The following CCSER2 variants were observed in gnomAD, a reference collection of about 807,000 sequenced individuals.
The protein encoded by CCSER2 is coiled-coil serine rich protein 2, also known as serine-rich coiled-coil domain-containing protein 2.
CCSER2 carries 46 observed loss-of-function variants against 92.3 expected under a neutral mutation model. The observed-to-expected ratio is 0.50, with a 90% CI of 0.39 to 0.64. The LOEUF (loss-of-function observed/expected upper bound fraction) is 0.64. CCSER2 is among the 30% of genes least tolerant of loss of function. The pLI, the probability that CCSER2 is intolerant of heterozygous loss-of-function variation, is 0.00. For missense variants in CCSER2, 1,244 were observed against 1,238.9 expected, an observed-to-expected ratio of 1.00 and a Z score of -0.06; for synonymous variants, 433 against 431.4, an observed-to-expected ratio of 1.00 and a Z score of -0.04.
intron 5 of CCSER2, among the ~76,000 whole-genome samples, chr10:84,427,487 A>G (rs1353594339): frequency 6.6e-6 from 1 of 152,212 alleles, no homozygotes. Flanking sequence ...TGCATGTGCA[A>G]AAGTCCTGTT....
intron 3 of CCSER2, among the ~76,000 whole-genome samples, chr10:84,380,092 T>C (rs1840813912): frequency 6.6e-6 from 1 of 152,222 alleles, no homozygotes; most frequent in Admixed American, 6.5e-5. Flanking sequence ...AAAATGGTCC[T>C]ACCAGTGTAT....
At chr10:84,420,377 A>G (rs139171330) in intron 4 of CCSER2, among the ~76,000 whole-genome samples, 197 of 152,350 alleles carry the variant, frequency 1.3e-3, no homozygotes, top group East Asian at 0.01. Context: ...ATGTAAGAAC[A>G]TGGATCTAAA....
intron 9 of CCSER2, among the ~76,000 whole-genome samples, chr10:84,498,083 G>GGT (rs1225649013): frequency 3.9e-5 from 6 of 152,110 alleles, no homozygotes; most frequent in African/African-American, 1.2e-4. Flanking sequence ...GACCTGCAAA[G>GGT]GTAAACATAC....
At chr10:84,492,502 A>C (rs549669897) in intron 9 of CCSER2, among the ~76,000 whole-genome samples, 1 of 152,198 alleles carries the variant, frequency 6.6e-6, no homozygotes, top group East Asian at 1.9e-4. Context: ...TTTCATTACT[A>C]TGTTGAATAA....
In CCSER2 at chr10:84,332,428, A is replaced by ATTT. The variant is rs1345431200; in HGVS notation, c.-40+3621_-40+3622insTTT. ...TTTATTTTTTTATATATATATATAT[A>ATTT]TATATATATTTTTTTTTTTTTTTTT... On this transcript the variant is annotated intron_variant, in intron 1 of 9. Transcript: ENST00000372088. Among the ~76,000 whole-genome samples the ATTT allele has an allele frequency of 4.5e-4, 35 of 77,294 alleles. No individual in the cohort carries two copies. In the East Asian group the frequency reaches 5.8e-3, roughly 13 times the overall value. 50.7% of individuals were successfully genotyped at this position (77,294 alleles called of 152,430 possible).
intron 6 of CCSER2, among the ~76,000 whole-genome samples, chr10:84,456,538 TG>T (rs879838842): frequency 6.6e-6 from 1 of 152,232 alleles, no homozygotes; most frequent in Non-Finnish European, 1.5e-5. Context: ...ATAAAACTGC[TG>T]TGAACATTTG....
At chr10:84,458,019 T>TTACAG (rs1250550590) in intron 6 of CCSER2, among the ~76,000 whole-genome samples, 1 of 152,040 alleles carries the variant, frequency 6.6e-6, no homozygotes, top group African/African-American at 2.4e-5. Flanking sequence ...AAGGCTGGGA[T>TTACAG]TACAGGTGTG....
intron 3 of CCSER2, among the ~76,000 whole-genome samples, chr10:84,384,762 A>G (rs1841096680): frequency 6.6e-6 from 1 of 152,158 alleles, no homozygotes; most frequent in Non-Finnish European, 1.5e-5. Context: ...TCCTAGCCAG[A>G]GCAAACAGGC....
intron 9 of CCSER2, among the ~76,000 whole-genome samples, chr10:84,510,702 G>C (rs1004152064): frequency 1.3e-5 from 2 of 152,146 alleles, no homozygotes; most frequent in African/African-American, 4.8e-5. Context: ...TTAGTATTTG[G>C]GGAAATTGTA....
At chr10:84,449,347 C>G (rs1003061730) in intron 6 of CCSER2, among the ~76,000 whole-genome samples, 3 of 152,074 alleles carry the variant, frequency 2.0e-5, no homozygotes, top group Admixed American at 2.0e-4. Flanking sequence ...TGCACTCCAG[C>G]CTGGGCAACA....
chr10:84,454,873 A>C (rs1471091332), intron 6 of CCSER2: 2 of 152,856 alleles, frequency 1.3e-5, no homozygotes, highest in Non-Finnish European at 2.9e-5. Flanking sequence ...CTATGTCCCA[A>C]CCCAAATCTC....
intron 1 of CCSER2, among the ~76,000 whole-genome samples, chr10:84,363,324 A>T (rs1226524544): frequency 6.6e-6 from 1 of 152,110 alleles, no homozygotes; most frequent in Non-Finnish European, 1.5e-5. Flanking sequence ...CAAGCCTTTG[A>T]ATCAGCTTAT....
chr10:84,457,222 T>TA (rs1845682421), intron 6 of CCSER2, among the ~76,000 whole-genome samples: 1 of 108,908 alleles, frequency 9.2e-6, no homozygotes. Context: ...ATATTACATA[T>TA]TATATATAAA....
At chr10:84,348,048 G>T (rs1421492915) in intron 1 of CCSER2, among the ~76,000 whole-genome samples, 1 of 152,330 alleles carries the variant, frequency 6.6e-6, no homozygotes, top group South Asian at 2.1e-4. Context: ...TCCCAGATGG[G>T]GTGGCGGCCG....
At chr10:84,357,950 G>A (rs1458991950) in intron 1 of CCSER2, among the ~76,000 whole-genome samples, 2 of 152,172 alleles carry the variant, frequency 1.3e-5, no homozygotes, top group Middle Eastern at 3.2e-3. Flanking sequence ...TAGTAGTTCT[G>A]TTGAAGAAGA....
intron 3 of CCSER2, among the ~76,000 whole-genome samples, chr10:84,392,604 T>C (rs1473868630): frequency 2.0e-5 from 3 of 152,002 alleles, no homozygotes; most frequent in Non-Finnish European, 2.9e-5. Flanking sequence ...ACAGAACTAA[T>C]ATAGTTAAAA....
chr10:84,442,081 T>A (rs1413653556), intron 6 of CCSER2, among the ~76,000 whole-genome samples: 2 of 152,140 alleles, frequency 1.3e-5, no homozygotes, highest in African/African-American at 4.8e-5. Context: ...ACACAGACTT[T>A]CAATTCATTC....
chr10:84,452,537 A>G (rs1374350180), intron 6 of CCSER2, among the ~76,000 whole-genome samples: 1 of 152,236 alleles, frequency 6.6e-6, no homozygotes, highest in Non-Finnish European at 1.5e-5. Context: ...CTAACTAGAA[A>G]CTGTAGAGAC....
chr10:84,357,559 C>G lies in CCSER2; in HGVS notation c.-39-13455C>G, dbSNP rs553201701. Among the ~76,000 whole-genome samples, 3 of 151,686 alleles carry G rather than the reference C, an allele frequency of 2.0e-5. No individual in the cohort carries two copies. The East Asian group carries it at 5.8e-4, about 29-fold the overall frequency. ...CTGCCTCCCGGGCTCACGCCATTCT[C>G]CAGCCTCAGCCTCCCGAGTAGCTGG... On this transcript the variant is annotated intron_variant, in intron 1 of 9. Transcript: ENST00000372088.
Sources: gnomAD v4.1 joint callset for allele counts (sites outside exome capture counted in the v4.1 genomes callset) on GRCh38, gnomAD v4.1.1 for gene constraint, MANE v1.5 for transcripts, NCBI Gene and HGNC (gene_info 2026-07-23, HGNC 2026-07-21) for gene names.